NR3C2: variants seen among roughly 807,000 people sequenced by gnomAD.
NR3C2 encodes the protein mineralocorticoid receptor.
Under a neutral mutation model 86.4 loss-of-function variants are expected in NR3C2, and 15 were observed. That is an observed-to-expected ratio of 0.17 (90% CI 0.12 to 0.27). The LOEUF is 0.27. Among genes scored for constraint, NR3C2 ranks in the 10% least tolerant of loss-of-function variants. The pLI is 1.00. For missense variants in NR3C2, 960 were observed against 1,195.6 expected (o/e 0.80, Z 2.91); for synonymous variants, 458 against 450.5 (o/e 1.02, Z -0.21).
intron 2 of NR3C2, among the ~76,000 whole-genome samples, chr4:148,277,047 A>C (rs1409509804): frequency 6.6e-6 from 1 of 152,246 alleles, no homozygotes; most frequent in Non-Finnish European, 1.5e-5. Flanking sequence ...TTTAGAAACA[A>C]AAGAAATCAA....
At chr4:148,110,236 G>A (rs1578892743) in intron 8 of NR3C2, among the ~76,000 whole-genome samples, 2 of 152,176 alleles carry the variant, frequency 1.3e-5, no homozygotes, top group African/African-American at 2.4e-5. Flanking sequence ...TTCTTTCAGA[G>A]AATGTTCCTT....
At chr4:148,105,494 GAA>G (rs1731753540) in intron 8 of NR3C2, among the ~76,000 whole-genome samples, 1 of 152,134 alleles carries the variant, frequency 6.6e-6, no homozygotes, top group African/African-American at 2.4e-5. Context: ...TCAAACAATA[GAA>G]AAAGAGGGAA....
chr4:148,264,869 T>C (rs1280617608), intron 2 of NR3C2, among the ~76,000 whole-genome samples: 3 of 152,190 alleles, frequency 2.0e-5, no homozygotes, highest in Non-Finnish European at 2.9e-5. Context: ...AATCAGCTAA[T>C]TATATAACAC....
intron 2 of NR3C2, among the ~76,000 whole-genome samples, chr4:148,264,499 G>C (rs572145365): frequency 6.6e-6 from 1 of 152,112 alleles, no homozygotes; most frequent in Admixed American, 6.6e-5. Context: ...TCTACACATA[G>C]CATGTAAAGC....
chr4:148,261,043 C>T (rs1009482380), intron 2 of NR3C2, among the ~76,000 whole-genome samples: 1 of 152,144 alleles, frequency 6.6e-6, no homozygotes, highest in African/African-American at 2.4e-5. Context: ...CCTGCAGATC[C>T]TGTGCAAGAT....
chr4:148,441,581 A>G (rs1207740221), intron 1 of NR3C2, among the ~76,000 whole-genome samples: 1 of 152,238 alleles, frequency 6.6e-6, no homozygotes, highest in Non-Finnish European at 1.5e-5. Flanking sequence ...ATTCAGTAGC[A>G]GAGTAAGGAT....
intron 2 of NR3C2, among the ~76,000 whole-genome samples, chr4:148,353,063 G>A (rs902984089): frequency 6.6e-6 from 1 of 151,964 alleles, no homozygotes; most frequent in Non-Finnish European, 1.5e-5. Flanking sequence ...CTTACTTTAG[G>A]GCAATGCGTC....
intron 2 of NR3C2, among the ~76,000 whole-genome samples, chr4:148,425,881 A>C (rs993225210): frequency 6.6e-6 from 1 of 152,120 alleles, no homozygotes; most frequent in African/African-American, 2.4e-5. Flanking sequence ...CTCAGTTTTC[A>C]TATCTGTAAA....
At chr4:148,233,958 C>G (rs1738600144) in intron 3 of NR3C2, among the ~76,000 whole-genome samples, 1 of 152,142 alleles carries the variant, frequency 6.6e-6, no homozygotes, top group Non-Finnish European at 1.5e-5. Context: ...TTGCTCAATG[C>G]AGGGTTGTCA....
intron 3 of NR3C2, among the ~76,000 whole-genome samples, chr4:148,255,382 G>GTA (rs1418485086): frequency 3.9e-5 from 6 of 152,184 alleles, no homozygotes; most frequent in Non-Finnish European, 5.9e-5. Flanking sequence ...TCGTTCACAG[G>GTA]CTTGGCTGTC....
chr4:148,122,920 G>C (rs192721819), intron 6 of NR3C2, among the ~76,000 whole-genome samples: 1 of 152,252 alleles, frequency 6.6e-6, no homozygotes, highest in East Asian at 1.9e-4. Context: ...GAATAACAGC[G>C]ATTTTTAGGG....
intron 2 of NR3C2, among the ~76,000 whole-genome samples, chr4:148,307,510 G>A (rs915629910): frequency 1.3e-5 from 2 of 152,206 alleles, no homozygotes; most frequent in African/African-American, 4.8e-5. Context: ...ATGACACAGA[G>A]CAACTACTTA....
At chr4:148,434,183 T>C (rs1749927760) in intron 2 of NR3C2, among the ~76,000 whole-genome samples, 1 of 152,144 alleles carries the variant, frequency 6.6e-6, no homozygotes, top group Non-Finnish European at 1.5e-5. Context: ...ACTAAGGAAA[T>C]CTATTCTTTA....
intron 4 of NR3C2, among the ~76,000 whole-genome samples, chr4:148,187,031 T>C (rs1735954469): frequency 7.7e-6 from 1 of 129,478 alleles, no homozygotes. Flanking sequence ...TATATATATA[T>C]ATATATATAT....
At chr4:148,375,134 A>T (rs986700179) in intron 2 of NR3C2, among the ~76,000 whole-genome samples, 1 of 152,176 alleles carries the variant, frequency 6.6e-6, no homozygotes, top group Non-Finnish European at 1.5e-5. Flanking sequence ...CAGACCTAGA[A>T]GTTTCCCTGT....
At chr4:148,272,786 T>C (rs1740755908) in intron 2 of NR3C2, among the ~76,000 whole-genome samples, 1 of 152,186 alleles carries the variant, frequency 6.6e-6, no homozygotes, top group Non-Finnish European at 1.5e-5. Context: ...GAAAAAGGTT[T>C]TGAAAACAAG....
At chr4:148,370,743 C>A (rs1746377300) in intron 2 of NR3C2, among the ~76,000 whole-genome samples, 1 of 152,148 alleles carries the variant, frequency 6.6e-6, no homozygotes. Flanking sequence ...AAGAGGGATC[C>A]ATTTTACCAG....
chr4:148,441,401 T>G (rs1302383519), intron 1 of NR3C2, among the ~76,000 whole-genome samples: 2 of 152,234 alleles, frequency 1.3e-5, no homozygotes, highest in Admixed American at 6.5e-5. Flanking sequence ...TACAAAATGT[T>G]AGGAAGCAAT....
At position 148,405,712 on chromosome 4, in the gene NR3C2, A is replaced by C. The variant is rs1309985630; in HGVS notation, c.1757+29392T>G. ...TCAGGGGAAGTTAGAGAAAATCTCC[A>C]AAGGGAAGTAACTGCTTCATACGCA... On this transcript the variant is annotated intron_variant, in intron 2 of 8. Coordinates refer to ENST00000358102, the MANE Select transcript of NR3C2 (RefSeq NM_000901.5). 3.9e-5 allele frequency among the ~76,000 whole-genome samples: 6 copies of C among 152,354 alleles called. No homozygotes were observed. The East Asian group carries it at 1.2e-3, about 29-fold the overall frequency.
Sources: allele counts gnomAD v4.1 joint callset (sites outside exome capture counted in the v4.1 genomes callset), GRCh38; gene constraint gnomAD v4.1.1; transcripts MANE v1.5; gene names NCBI Gene and HGNC (gene_info 2026-07-23, HGNC 2026-07-21).